COL25A1: variants seen among roughly 807,000 people sequenced by gnomAD.
COL25A1 encodes the protein collagen alpha-1(XXV) chain.
A neutral mutation model predicts 128.4 loss-of-function variants in COL25A1; 103 were observed. That is an observed-to-expected ratio of 0.80 (90% CI 0.68 to 0.94). The LOEUF (loss-of-function observed/expected upper bound fraction) is 0.94. Among genes scored for constraint, COL25A1 ranks in the 40% least tolerant of loss-of-function variants. COL25A1 has a pLI of 0.00. For synonymous variants in COL25A1, 279 were observed against 277.2 expected, an observed-to-expected ratio of 1.01 and a Z score of -0.06; for missense variants, 745 against 840.0, an observed-to-expected ratio of 0.89 and a Z score of 1.40.
intron 8 of COL25A1, among the ~76,000 whole-genome samples, chr4:108,950,968 A>T (rs1301138222): frequency 6.6e-6 from 1 of 152,216 alleles, no homozygotes; most frequent in African/African-American, 2.4e-5. Context: ...ATAAAGGTAG[A>T]AATTGAGACA....
At chr4:108,873,393 GC>G (rs1739004301) in intron 19 of COL25A1, among the ~76,000 whole-genome samples, 1 of 152,096 alleles carries the variant, frequency 6.6e-6, no homozygotes, top group African/African-American at 2.4e-5. Flanking sequence ...TTAAGGTGTG[GC>G]TTAGTTAAGA....
At chr4:109,080,541 A>G (rs2125993555) in intron 3 of COL25A1, among the ~76,000 whole-genome samples, 1 of 152,278 alleles carries the variant, frequency 6.6e-6, no homozygotes, top group Admixed American at 6.5e-5. Flanking sequence ...TTCTCACCTA[A>G]ATAACCCAAC....
At chr4:108,818,858 CCT>C (rs1491505442) in intron 36 of COL25A1, among the ~76,000 whole-genome samples, 2 of 109,572 alleles carry the variant, frequency 1.8e-5, no homozygotes, top group African/African-American at 5.5e-5. Context: ...GGCAGAAATA[CCT>C]TTTTTTTTTT....
At chr4:109,144,567 G>T (rs1770752584) in intron 3 of COL25A1, among the ~76,000 whole-genome samples, 1 of 152,228 alleles carries the variant, frequency 6.6e-6, no homozygotes, top group Admixed American at 6.5e-5. Flanking sequence ...GACTAGGGCT[G>T]CTGCCTTTCT....
intron 5 of COL25A1, among the ~76,000 whole-genome samples, chr4:109,019,365 CACACACACACATATATAT>C (rs201086623): frequency 3.5e-4 from 3 of 8,524 alleles, no homozygotes; most frequent in African/African-American, 2.4e-3. Flanking sequence ...CACACACACA[CACACACACACATATATAT>C]ATATATATAT....
chr4:108,838,093 C>T (rs532690860), intron 31 of COL25A1: 13 of 1,544,518 alleles, frequency 8.4e-6, no homozygotes, highest in South Asian at 1.2e-5. Flanking sequence ...GTTTTCTTTA[C>T]TTACTGGAAG....
chr4:108,955,850 T>C (rs566795585), intron 8 of COL25A1, among the ~76,000 whole-genome samples: 2 of 152,278 alleles, frequency 1.3e-5, no homozygotes, highest in Middle Eastern at 3.4e-3. Context: ...AATATAGTTG[T>C]TTGAATTAAA....
In COL25A1 at chr4:109,199,552, G is replaced by GAA. The variant is rs56935062; in HGVS notation, c.367+101029_367+101030dup. On this transcript the variant is annotated intron_variant, in intron 3 of 37. Coordinates refer to ENST00000399132, the MANE Select transcript of COL25A1 (RefSeq NM_198721.4). ...AGTTATGATATAGTATTATTTTCCA[G>GAA]AAAAAAAAAACTAATGCCTTTTTAT... is the stretch of plus-strand genomic sequence containing the variant. Among the ~76,000 whole-genome samples, 1,146 of 145,788 alleles carry GAA rather than the reference G, an allele frequency of 7.9e-3. 55 individuals carry two copies. In the South Asian group the frequency reaches 0.14, roughly 17 times the overall value.
In COL25A1 at chr4:108,834,226, TC is replaced by T; in HGVS notation, c.1657-1794del. ...CTTTTGCCGCCATCTTTGTCCACCT[TC>T]CCCTTTTACTCCAGCTCTAAGTACA... On this transcript the variant is annotated intron_variant, in intron 31 of 37. Transcript: ENST00000399132. 3 of 941,808 alleles carry T rather than the reference TC, an allele frequency of 3.2e-6. No homozygotes were observed. In the South Asian group the frequency reaches 5.0e-5, roughly 16 times the overall value. The allele number at this position is 941,808 out of a possible 1,614,324, so 58.3% of individuals were successfully genotyped here.
chr4:109,015,010 C>T (rs1757086747), intron 5 of COL25A1, among the ~76,000 whole-genome samples: 1 of 152,166 alleles, frequency 6.6e-6, no homozygotes, highest in Admixed American at 6.5e-5. Flanking sequence ...TTGCAGTCGT[C>T]CTAATAGAGC....
chr4:108,990,262 A>C (rs1354635235), intron 6 of COL25A1, among the ~76,000 whole-genome samples: 6 of 131,818 alleles, frequency 4.6e-5, no homozygotes, highest in South Asian at 2.4e-4. Flanking sequence ...ATATATATAT[A>C]TATATATATA....
chr4:108,877,383 G>A (rs73840729), intron 19 of COL25A1, among the ~76,000 whole-genome samples: 6,512 of 152,112 alleles, frequency 0.043, 375 homozygotes, highest in African/African-American at 0.13. Flanking sequence ...AAGTTCCATT[G>A]TCAATTAGTG....
intron 3 of COL25A1, among the ~76,000 whole-genome samples, chr4:109,121,027 C>T (rs1464083662): frequency 6.6e-6 from 1 of 151,928 alleles, no homozygotes; most frequent in African/African-American, 2.4e-5. Flanking sequence ...CAATTTTTCC[C>T]ATCTTAATCT....
intron 30 of COL25A1, among the ~76,000 whole-genome samples, chr4:108,843,467 AGCATTCTGCCTT>A (rs145440436): frequency 0.014 from 2,068 of 152,294 alleles, 48 homozygotes; most frequent in African/African-American, 0.047. Context: ...AAGCATTTGA[AGCATTCTGCCTT>A]CAACATTCTA....
At chr4:109,117,156 C>T (rs886781926) in intron 3 of COL25A1, among the ~76,000 whole-genome samples, 1 of 151,660 alleles carries the variant, frequency 6.6e-6, no homozygotes, top group East Asian at 1.9e-4. Flanking sequence ...CACATGAATA[C>T]CAAGCAGGAT....
At chr4:109,159,163 G>A (rs1224310075) in intron 3 of COL25A1, among the ~76,000 whole-genome samples, 2 of 150,756 alleles carry the variant, frequency 1.3e-5, no homozygotes, top group Non-Finnish European at 3.0e-5. Context: ...ATAAGAAACA[G>A]GAAACAAAAT....
chr4:109,002,702 A>C (rs1755565149), intron 6 of COL25A1, among the ~76,000 whole-genome samples: 1 of 152,222 alleles, frequency 6.6e-6, no homozygotes. Flanking sequence ...ATTACACTGT[A>C]CATCTTGAGT....
At chr4:108,945,858 T>C (rs568607415) in intron 8 of COL25A1, among the ~76,000 whole-genome samples, 1 of 152,074 alleles carries the variant, frequency 6.6e-6, no homozygotes, top group East Asian at 1.9e-4. Context: ...AGAAATGGGG[T>C]TTCACCATGT....
chr4:109,262,432 T>G (rs998923653), intron 3 of COL25A1, among the ~76,000 whole-genome samples: 1 of 152,054 alleles, frequency 6.6e-6, no homozygotes, highest in Non-Finnish European at 1.5e-5. Context: ...GAGAATCACT[T>G]GAACCTGGGA....
Sources: gnomAD v4.1 joint callset for allele counts (sites outside exome capture counted in the v4.1 genomes callset) on GRCh38, gnomAD v4.1.1 for gene constraint, MANE v1.5 for transcripts, NCBI Gene and HGNC (gene_info 2026-07-23, HGNC 2026-07-21) for gene names.